Variants in SDAD1 observed in about 807,000 individuals in gnomAD.
SDAD1 encodes protein SDA1 homolog.
In SDAD1, 79 loss-of-function variants were observed where a neutral mutation model predicts 100.3. The ratio of observed to expected loss-of-function variants is 0.79; its 90% CI spans 0.66 to 0.95. SDAD1 has a LOEUF of 0.95. SDAD1 is among the 40% of genes least tolerant of loss of function. SDAD1 has a pLI of 0.00. For missense variants in SDAD1, 790 were observed against 810.9 expected (o/e 0.97, Z 0.31); for synonymous variants, 267 against 271.4 (o/e 0.98, Z 0.16).
chr4:75,966,308 ACACACT>A (rs918459813), intron 12 of SDAD1, among the ~76,000 whole-genome samples: 11 of 148,236 alleles, frequency 7.4e-5, no homozygotes, highest in African/African-American at 1.5e-4. Context: ...ACACACACAC[ACACACT>A]GTCTCTTTTC....
At chr4:75,978,356 ATT>A (rs200819418) in intron 3 of SDAD1, among the ~76,000 whole-genome samples, 88 of 123,098 alleles carry the variant, frequency 7.1e-4, no homozygotes, top group African/African-American at 2.5e-3. Flanking sequence ...GTACCCAGCT[ATT>A]TTTTTTTTTT....
intron 8 of SDAD1, among the ~76,000 whole-genome samples, chr4:75,972,718 T>C (rs1356413229): frequency 2.6e-5 from 4 of 151,440 alleles, no homozygotes; most frequent in Admixed American, 1.3e-4. Flanking sequence ...TTTTTTTTTT[T>C]CCTCAAAAAC....
At chr4:75,953,398 T>G (rs1728719121) in intron 21 of SDAD1, among the ~76,000 whole-genome samples, 1 of 152,136 alleles carries the variant, frequency 6.6e-6, no homozygotes, top group Non-Finnish European at 1.5e-5. Context: ...AATTAATACT[T>G]CCTCAACCCT....
chr4:75,957,705 T>C lies in SDAD1; in HGVS notation c.1582A>G (p.Lys528Glu). The change falls in exon 19 of 22, where the codon AAG (lysine) becomes GAG (glutamate). Residue 528 changes from lysine to glutamate, a missense_variant. Coordinates refer to ENST00000356260, the MANE Select transcript of SDAD1 (RefSeq NM_018115.4). Reference sequence around the variant, plus strand: ...TCCATGGGCATGCTGTTCAGCTTCTTGGACTTGAAACCACACAAGGGCTTA... The same window carrying C: ...TCCATGGGCATGCTGTTCAGCTTCTCGGACTTGAAACCACACAAGGGCTTA... ...SSDEEQQEIS[K>E]KLNSMPMEER... The C allele has an allele frequency of 6.2e-7, 1 of 1,614,194 alleles. No individual in the cohort carries two copies. The highest frequency in any genetic ancestry group is 8.5e-7 in the Non-Finnish European group (1 of 1,180,022).
intron 1 of SDAD1, among the ~76,000 whole-genome samples, chr4:75,989,214 G>A (rs999899920): frequency 2.0e-5 from 3 of 152,146 alleles, no homozygotes; most frequent in Non-Finnish European, 4.4e-5. Context: ...CTTCTTCTCT[G>A]CTTTTTTTCC....
At chr4:75,983,974 A>C (rs1730710913) in intron 1 of SDAD1, among the ~76,000 whole-genome samples, 1 of 152,092 alleles carries the variant, frequency 6.6e-6, no homozygotes, top group Admixed American at 6.5e-5. Flanking sequence ...ACAAGGTGTA[A>C]GGAAGGGGTC....
rs149346502 is a variant in SDAD1 at position 75,956,030 on chromosome 4, A to G, written c.1961T>C (p.Met654Thr). ...EKKKQKNFMM[M>T]RYSQNVRSKN... ...TGACCGGACATTCTGGCTATACCGCATCATCATAAAGTTCTTCTGTTTTTT... is the reference window on the plus strand; with the variant it reads ...TGACCGGACATTCTGGCTATACCGCGTCATCATAAAGTTCTTCTGTTTTTT... Residue 654 changes from methionine to threonine, a missense_variant, in exon 21 of 22, where the codon ATG becomes ACG. Met to Thr is a moderately conservative substitution (Grantham distance 81). Transcript: ENST00000356260. The G allele has an allele frequency of 1.2e-5, 20 of 1,612,306 alleles. No individual in the cohort carries two copies. In the African/African-American group the frequency reaches 2.7e-4, roughly 22 times the overall value.
At position 75,952,299 on chromosome 4, in the gene SDAD1, C is replaced by T. The variant is rs541109385; in HGVS notation, c.2017-1502G>A. ...TCATGCTAAGAACTAAATGTGTTAG[C>T]TAATGTTGGTTATGGGAATTTACTT... On this transcript the variant is annotated intron_variant, in intron 21 of 21. Transcript: ENST00000356260. Among the ~76,000 whole-genome samples the T allele has an allele frequency of 2.6e-5, 4 of 152,312 alleles. No individual in the cohort carries two copies. The South Asian group carries it at 8.3e-4, about 32-fold the overall frequency.
intron 20 of SDAD1, among the ~76,000 whole-genome samples, chr4:75,956,984 C>T (rs1350065955): frequency 2.6e-5 from 4 of 152,172 alleles, no homozygotes; most frequent in East Asian, 1.9e-4. Flanking sequence ...GTAGCAGACA[C>T]CTGTTACCCC....
At chr4:75,983,127 C>CT (rs1306156072) in intron 1 of SDAD1, among the ~76,000 whole-genome samples, 1 of 152,048 alleles carries the variant, frequency 6.6e-6, no homozygotes, top group African/African-American at 2.4e-5. Context: ...TGAACTCATC[C>CT]TTTTTTATGG....
At position 75,975,763 on chromosome 4, in the gene SDAD1, G is replaced by A; in HGVS notation, c.559C>T (p.Leu187Phe). Reference sequence around the variant, plus strand: ...CACTACCAGATGTTCCTTCTGTAGAGTTCAATCATTACATCTAAAGACATC... The same window carrying A: ...CACTACCAGATGTTCCTTCTGTAGAATTCAATCATTACATCTAAAGACATC... The part of the protein sequence containing the change: ...AKMSLDVMIE[L>F]YRRNIWNDAK... The change falls in exon 6 of 22, where the codon CTC becomes TTC. Residue 187 changes from leucine (L) to phenylalanine (F), a missense_variant. Physicochemically the swap from Leu to Phe is conservative, Grantham distance 22. Coordinates refer to ENST00000356260, the MANE Select transcript of SDAD1 (RefSeq NM_018115.4). 6.2e-7 allele frequency: 1 copy of A among 1,612,146 alleles called. No homozygotes were observed. The highest frequency in any genetic ancestry group is 8.5e-7 in the Non-Finnish European group (1 of 1,178,242).
rs1250213398 is a variant in SDAD1 at position 75,990,879 on chromosome 4, A to C, written c.-38T>G. Reference sequence around the variant, plus strand: ...CAGACTTCGCGGCGAGCAGTTTTAAAAAAACTCAGACGGCCGGCACCCCGC... The same window carrying C: ...CAGACTTCGCGGCGAGCAGTTTTAACAAAACTCAGACGGCCGGCACCCCGC... On this transcript the variant is annotated 5_prime_UTR_variant, in exon 1 of 22. Transcript: ENST00000356260. 1 of 1,613,636 alleles carries C rather than the reference A, an allele frequency of 6.2e-7. No homozygotes were observed. The highest frequency in any genetic ancestry group is 1.1e-5 in the South Asian group (1 of 91,062).
In SDAD1 at chr4:75,981,455, G is replaced by C; in HGVS notation, c.211C>G (p.Pro71Ala). The C allele has an allele frequency of 6.2e-7, 1 of 1,613,696 alleles. No homozygotes were observed. Among genetic ancestry groups the C allele is most frequent in the Non-Finnish European group, 8.5e-7 (1 of 1,179,752 alleles). ...MFMAQISHCY[P>A]EYLSNFPQEV... ...TGAGGAAAATTACTTAGGTACTCTG[G>C]GTAGCAGTGACTAATCTGTAACAAA... Residue 71 changes from proline to alanine, a missense_variant, in exon 3 of 22, where the codon CCA becomes GCA. Coordinates refer to ENST00000356260, the MANE Select transcript of SDAD1 (RefSeq NM_018115.4).
intron 4 of SDAD1, among the ~76,000 whole-genome samples, chr4:75,976,893 T>TG (rs2149324967): frequency 6.6e-6 from 1 of 152,298 alleles, no homozygotes; most frequent in African/African-American, 2.4e-5. Context: ...AATCAAACAG[T>TG]GGTAGTCTCT....
In SDAD1 at chr4:75,977,722, TTA is replaced by T; in HGVS notation, c.327_328del (p.Asn109LysfsTer15). On this transcript the variant is annotated frameshift_variant, in exon 4 of 22. Transcript: ENST00000356260. LOFTEE classifies it high-confidence loss of function. ...CAGGCTTGATGGATTGATGAGATTC[TTA>T]TTTCTCAGCAAGATCAAAGCTTTGC... 6.2e-7 allele frequency: 1 copy of T among 1,612,990 alleles called. No homozygotes were observed. The highest frequency in any genetic ancestry group is 8.5e-7 in the Non-Finnish European group (1 of 1,179,518).
chr4:75,962,701 T>C (rs1729315965), intron 14 of SDAD1, among the ~76,000 whole-genome samples: 1 of 152,260 alleles, frequency 6.6e-6, no homozygotes, highest in Admixed American at 6.5e-5. Context: ...TGTCTTCTTT[T>C]GAGAAGCATC....
intron 17 of SDAD1, among the ~76,000 whole-genome samples, chr4:75,959,790 A>G (rs1236066810): frequency 6.6e-6 from 1 of 152,080 alleles, no homozygotes; most frequent in African/African-American, 2.4e-5. Flanking sequence ...CAACAAACAC[A>G]AGATCATTGT....
chr4:75,964,195 A>G lies in SDAD1; in HGVS notation c.1121T>C (p.Leu374Pro). The G allele has an allele frequency of 6.2e-7, 1 of 1,607,928 alleles. No individual in the cohort carries two copies. Among genetic ancestry groups the G allele is most frequent in the Non-Finnish European group, 8.5e-7 (1 of 1,177,530 alleles). Residue 374 changes from leucine (L) to proline (P), a missense_variant, in exon 14 of 22, where the codon CTT becomes CCT. By Grantham distance (98) the Leu-to-Pro change is moderately conservative. Coordinates refer to ENST00000356260, the MANE Select transcript of SDAD1 (RefSeq NM_018115.4). ...LVPPEIIQSL[L>P]MTVANNFVTD... is the part of the protein sequence containing the mutation. ...AACAAAATTGTTTGCCACAGTCATAAGCAATGATTGAATAATCTGAATTGG... is the reference window on the plus strand; with the variant it reads ...AACAAAATTGTTTGCCACAGTCATAGGCAATGATTGAATAATCTGAATTGG...
chr4:75,990,040 A>G (rs1731147996), intron 1 of SDAD1, among the ~76,000 whole-genome samples: 1 of 152,212 alleles, frequency 6.6e-6, no homozygotes, highest in Non-Finnish European at 1.5e-5. Flanking sequence ...CACCTGTCAG[A>G]TTAATATATC....
Sources: gnomAD v4.1 joint callset for allele counts (sites outside exome capture counted in the v4.1 genomes callset) on GRCh38, gnomAD v4.1.1 for gene constraint, MANE v1.5 for transcripts, NCBI Gene and HGNC (gene_info 2026-07-23, HGNC 2026-07-21) for gene names.